The following CTNNA3 variants were observed in gnomAD, a reference collection of about 807,000 sequenced individuals.
CTNNA3 encodes catenin alpha-3.
CTNNA3 carries 76 observed loss-of-function variants against 95.7 expected under a neutral mutation model. That is an observed-to-expected ratio of 0.79 (90% CI 0.66 to 0.96). CTNNA3 has a LOEUF of 0.96. Among genes scored for constraint, CTNNA3 ranks in the 40% least tolerant of loss-of-function variants. The pLI is 0.00. For synonymous variants in CTNNA3, 431 were observed against 374.4 expected, an observed-to-expected ratio of 1.15 and a Z score of -1.74; for missense variants, 1,191 against 1,089.8, an observed-to-expected ratio of 1.09 and a Z score of -1.31.
At chr10:66,181,975 G>A (rs2086062101) in intron 13 of CTNNA3, among the ~76,000 whole-genome samples, 1 of 152,034 alleles carries the variant, frequency 6.6e-6, no homozygotes, top group Admixed American at 6.6e-5. Flanking sequence ...GTTCAAACTG[G>A]AAATATAGAT....
At chr10:66,465,634 CA>C (rs1193462155) in intron 11 of CTNNA3, among the ~76,000 whole-genome samples, 1 of 152,056 alleles carries the variant, frequency 6.6e-6, no homozygotes, top group Non-Finnish European at 1.5e-5. Flanking sequence ...GGTTGAGAAT[CA>C]GACTCAGGAA....
intron 2 of CTNNA3, among the ~76,000 whole-genome samples, chr10:67,644,790 T>A (rs1332548312): frequency 6.7e-6 from 1 of 148,594 alleles, no homozygotes; most frequent in Non-Finnish European, 1.5e-5. Context: ...ATCACTTGAG[T>A]ATTGCTAAGA....
At chr10:66,279,540 A>C (rs1376927356) in intron 13 of CTNNA3, among the ~76,000 whole-genome samples, 1 of 151,966 alleles carries the variant, frequency 6.6e-6, no homozygotes, top group Non-Finnish European at 1.5e-5. Context: ...AGGTGGCTAA[A>C]TATCCAGTTT....
At chr10:66,076,308 T>C (rs879631310) in intron 14 of CTNNA3, among the ~76,000 whole-genome samples, 11 of 151,674 alleles carry the variant, frequency 7.3e-5, no homozygotes, top group Admixed American at 3.9e-4. Flanking sequence ...AAAGTGCTTT[T>C]GGCAAAAATT....
rs959870904 is a variant in CTNNA3 at position 66,639,218 on chromosome 10, T to C, written c.1282-17434A>G. On this transcript the variant is annotated intron_variant, in intron 9 of 17. Transcript: ENST00000433211. Reference sequence around the variant, plus strand: ...GTTGAACCATAGAAAAAGAAATCAATTATAATTGCTTCTCCAGTTAAATAT... The same window carrying C: ...GTTGAACCATAGAAAAAGAAATCAACTATAATTGCTTCTCCAGTTAAATAT... Among the ~76,000 whole-genome samples the C allele has an allele frequency of 2.6e-5, 4 of 152,152 alleles. No homozygotes were observed. The South Asian group carries it at 8.3e-4, about 32-fold the overall frequency.
At chr10:67,260,788 G>T (rs554519448) in intron 5 of CTNNA3, among the ~76,000 whole-genome samples, 1 of 151,834 alleles carries the variant, frequency 6.6e-6, no homozygotes, top group Non-Finnish European at 1.5e-5. Context: ...GGGTTCAAGC[G>T]ATTCTCTCGC....
chr10:66,165,801 C>T (rs1163246024), intron 13 of CTNNA3, among the ~76,000 whole-genome samples: 1 of 151,854 alleles, frequency 6.6e-6, no homozygotes, highest in Admixed American at 6.6e-5. Flanking sequence ...TGGAGTCTTG[C>T]TCTGTCTCCC....
At chr10:66,035,915 G>T (rs1400857407) in intron 15 of CTNNA3, among the ~76,000 whole-genome samples, 1 of 151,924 alleles carries the variant, frequency 6.6e-6, no homozygotes, top group East Asian at 1.9e-4. Context: ...AATTTATGAG[G>T]TATCAAAAAG....
chr10:65,961,815 A>T (rs2077850666), intron 17 of CTNNA3, among the ~76,000 whole-genome samples: 2 of 152,132 alleles, frequency 1.3e-5, no homozygotes, highest in Non-Finnish European at 1.5e-5. Context: ...TTCAAAGTGT[A>T]AGGAATGTTT....
intron 11 of CTNNA3, among the ~76,000 whole-genome samples, chr10:66,413,940 T>C (rs139428699): frequency 1.1e-4 from 16 of 152,336 alleles, no homozygotes; most frequent in African/African-American, 3.8e-4. Flanking sequence ...GAAAAGAATA[T>C]AGGACAATAT....
intron 7 of CTNNA3, among the ~76,000 whole-genome samples, chr10:66,872,215 T>C (rs1470006170): frequency 6.6e-6 from 1 of 152,232 alleles, no homozygotes; most frequent in Non-Finnish European, 1.5e-5. Context: ...TAAATAATCT[T>C]ATTTTATCCA....
At chr10:66,182,794 C>A (rs1245698282) in intron 13 of CTNNA3, among the ~76,000 whole-genome samples, 1 of 152,046 alleles carries the variant, frequency 6.6e-6, no homozygotes, top group Non-Finnish European at 1.5e-5. Context: ...TCCTCGTGAA[C>A]AACAAAGTCA....
chr10:66,485,955 G>A (rs1326842782), intron 11 of CTNNA3, among the ~76,000 whole-genome samples: 1 of 152,100 alleles, frequency 6.6e-6, no homozygotes, highest in Non-Finnish European at 1.5e-5. Flanking sequence ...TTCAACAAAG[G>A]TGTCAAGAAC....
intron 11 of CTNNA3, among the ~76,000 whole-genome samples, chr10:66,513,989 T>G (rs1306606610): frequency 6.6e-6 from 1 of 152,144 alleles, no homozygotes; most frequent in African/African-American, 2.4e-5. Flanking sequence ...GATGTGGAGA[T>G]GCAGCAGCAA....
intron 10 of CTNNA3, among the ~76,000 whole-genome samples, chr10:66,523,817 A>G (rs1203167740): frequency 1.3e-5 from 2 of 152,132 alleles, no homozygotes; most frequent in Non-Finnish European, 2.9e-5. Flanking sequence ...TAATGCAAAC[A>G]CATTTCTTTC....
rs75919831 is a variant in CTNNA3 at position 66,245,431 on chromosome 10, T to C, written c.1884+35039A>G. On this transcript the variant is annotated intron_variant, in intron 13 of 17. Coordinates refer to ENST00000433211, the MANE Select transcript of CTNNA3 (RefSeq NM_013266.4). The stretch of plus-strand genomic sequence containing the variant: ...GCAAACAAGGGACATGTTTCAGCCC[T>C]GTTTGTGTTAGCTCTTTTAGTTCTG... Among the ~76,000 whole-genome samples, 1,164 of 152,302 alleles carry C rather than the reference T, an allele frequency of 7.6e-3. 9 individuals are homozygous for C. The highest frequency in any genetic ancestry group is 0.032 in the East Asian group (165 of 5,162).
intron 1 of CTNNA3, among the ~76,000 whole-genome samples, chr10:67,755,816 A>AG (rs1841429919): frequency 1.3e-5 from 2 of 150,928 alleles, no homozygotes; most frequent in African/African-American, 2.4e-5. Flanking sequence ...AAAAAAAAAA[A>AG]AAAAAAGAAA....
intron 2 of CTNNA3, among the ~76,000 whole-genome samples, chr10:67,616,890 T>A (rs1236835186): frequency 6.6e-6 from 1 of 152,210 alleles, no homozygotes; most frequent in African/African-American, 2.4e-5. Context: ...GGGAAAAATT[T>A]TTTTTTAATC....
At chr10:66,969,022 A>T (rs778014278) in intron 7 of CTNNA3, among the ~76,000 whole-genome samples, 1 of 151,876 alleles carries the variant, frequency 6.6e-6, no homozygotes, top group Admixed American at 6.6e-5. Context: ...ATCTCAAAAT[A>T]AATAAATAAA....
Sources: allele counts gnomAD v4.1 joint callset (sites outside exome capture counted in the v4.1 genomes callset), GRCh38; gene constraint gnomAD v4.1.1; transcripts MANE v1.5; gene names NCBI Gene and HGNC (gene_info 2026-07-23, HGNC 2026-07-21).